PPP6R2: variants seen among roughly 807,000 people sequenced by gnomAD.
PPP6R2 encodes serine/threonine-protein phosphatase 6 regulatory subunit 2.
Under a neutral mutation model 100.2 loss-of-function variants are expected in PPP6R2, and 62 were observed. That is an observed-to-expected ratio of 0.62 (90% CI 0.50 to 0.76). The LOEUF is 0.76. PPP6R2 is among the 30% of genes least tolerant of loss of function. The pLI is 0.00. For missense variants in PPP6R2, 1,142 were observed against 1,276.3 expected (o/e 0.89, Z 1.60); for synonymous variants, 525 against 514.7 (o/e 1.02, Z -0.27).
upstream of PPP6R2, among the ~76,000 whole-genome samples, chr22:50,342,032 C>T (rs557078719): frequency 1.3e-5 from 2 of 151,780 alleles, no homozygotes; most frequent in Admixed American, 1.3e-4. Context: ...CTGCTCACCC[C>T]AGTTGCACTG....
intron 1 of PPP6R2, among the ~76,000 whole-genome samples, chr22:50,371,573 CAA>C (rs1291954359): frequency 6.6e-6 from 1 of 151,954 alleles, no homozygotes; most frequent in Non-Finnish European, 1.5e-5. Flanking sequence ...ATTATGAAAT[CAA>C]AGACAAATTT....
At chr22:50,386,262 C>T (rs532266369) in intron 2 of PPP6R2, among the ~76,000 whole-genome samples, 2 of 152,124 alleles carry the variant, frequency 1.3e-5, no homozygotes, top group Middle Eastern at 3.4e-3. Context: ...CCTGCCTCAG[C>T]CTCCAAGTAG....
chr22:50,444,506 A>C lies in PPP6R2; in HGVS notation c.*259A>C. 4.9e-6 allele frequency: 1 copy of C among 203,528 alleles called. No homozygotes were observed. Among genetic ancestry groups the C allele is most frequent in the East Asian group, 2.0e-4 (1 of 4,900 alleles). 12.6% of individuals were successfully genotyped at this position (203,528 alleles called of 1,614,324 possible). ...CCCCCAAGCCCAGAGCACAGCAATA[A>C]GGTCGGCCTGCAGGAGCCGGGGTGG... On this transcript the variant is annotated 3_prime_UTR_variant, in exon 24 of 24. Transcript: ENST00000612753.
intron 2 of PPP6R2, chr22:50,393,675 G>T: frequency 1.0e-6 from 1 of 971,500 alleles, no homozygotes; most frequent in South Asian, 4.8e-5. Flanking sequence ...AACCTGGAGA[G>T]GTCTGATGGG....
intron 3 of PPP6R2, among the ~76,000 whole-genome samples, chr22:50,398,118 C>CG (rs1569407153): frequency 6.6e-6 from 1 of 151,492 alleles, no homozygotes; most frequent in African/African-American, 2.4e-5. Flanking sequence ...GGATCACTTA[C>CG]GCCCAGGAGT....
intron 2 of PPP6R2, among the ~76,000 whole-genome samples, chr22:50,390,442 G>A (rs560360320): frequency 6.6e-6 from 1 of 152,266 alleles, no homozygotes; most frequent in South Asian, 2.1e-4. Context: ...TTCAAAACAA[G>A]GTATGTTGCC....
At chr22:50,438,339 G>T in intron 18 of PPP6R2, 41 bp downstream of exon 18, 1 of 1,589,342 alleles carries the variant, frequency 6.3e-7, no homozygotes, top group Non-Finnish European at 8.6e-7. Context: ...CTGCCGAGGA[G>T]GTTCAGCCCC....
chr22:50,431,226 A>G lies in PPP6R2; in HGVS notation c.1179A>G (p.Leu393=), dbSNP rs766411206. 8 of 1,613,818 alleles carry G rather than the reference A, an allele frequency of 5.0e-6. No homozygotes were observed. The African/African-American group carries it at 6.7e-5, about 13-fold the overall frequency. ...ACTTTTTGCACTTCCAAGTGGAACT[A>G]TGCATAGCCGCTATTCTCTCCCACG... The part of the protein sequence containing the change: ...WNNFLHFQVE[L]CIAAILSHAA... Residue 393 remains leucine, a synonymous_variant, in exon 11 of 24, where the codon CTA becomes CTG. Coordinates refer to ENST00000612753, the MANE Select transcript of PPP6R2 (RefSeq NM_001242898.2). The surrounding 1 kb of genome is among the most constrained non-coding windows in gnomAD (Gnocchi z 4.8).
At chr22:50,391,256 AC>A (rs1445196710) in intron 2 of PPP6R2, among the ~76,000 whole-genome samples, 1 of 151,274 alleles carries the variant, frequency 6.6e-6, no homozygotes, top group Non-Finnish European at 1.5e-5. Flanking sequence ...GTATGGTGAA[AC>A]CCCATCTCTA....
At chr22:50,334,359 A>G in the PPP6R2 span, among the ~76,000 whole-genome samples, 1 of 152,294 alleles carries the variant, frequency 6.6e-6, no homozygotes, top group South Asian at 2.1e-4. Flanking sequence ...GTCACTTCTC[A>G]CCGTGTCCCT....
rs777236010 is a variant in PPP6R2 at position 50,438,223 on chromosome 22, TTGA to T, written c.1899_1901del (p.Asp633del). 102 of 1,613,738 alleles carry T rather than the reference TTGA, an allele frequency of 6.3e-5. No individual in the cohort carries two copies. The highest frequency in any genetic ancestry group is 2.2e-4 in the South Asian group (20 of 91,086). ...TGCTGCAGTGACCGCATCCAGCCCT[TTGA>T]TGATGATGAGGACGAGGACATCTGG... On this transcript the variant is annotated inframe_deletion, in exon 18 of 24. Coordinates refer to ENST00000612753, the MANE Select transcript of PPP6R2 (RefSeq NM_001242898.2).
chr22:50,401,810 T>C (rs2058090914), intron 3 of PPP6R2, among the ~76,000 whole-genome samples: 2 of 151,698 alleles, frequency 1.3e-5, no homozygotes, highest in Middle Eastern at 3.4e-3. Context: ...TTTTTTTGTA[T>C]TTTTTAGTAG....
Position 50,361,662 on chromosome 22 carries a change from C to T in PPP6R2, c.-147-10358C>T, listed in dbSNP as rs375658353. The stretch of plus-strand genomic sequence containing the variant: ...TTCAACAGTCTCAGCCCAGAGTATG[C>T]CCTGCTTGTCTTCCTTTGACCCAGG... On this transcript the variant is annotated intron_variant, in intron 1 of 23. Transcript: ENST00000612753. 7.2e-5 allele frequency among the ~76,000 whole-genome samples: 11 copies of T among 152,152 alleles called. No individual in the cohort carries two copies. In the South Asian group the frequency reaches 2.1e-3, roughly 29 times the overall value.
chr22:50,413,090 T>C (rs2060003186), intron 4 of PPP6R2, among the ~76,000 whole-genome samples: 1 of 151,822 alleles, frequency 6.6e-6, no homozygotes, highest in African/African-American at 2.4e-5. Context: ...CCCGAGTAGC[T>C]GGGATTACAG....
intron 1 of PPP6R2, among the ~76,000 whole-genome samples, chr22:50,368,196 G>A (rs2049164343): frequency 6.6e-6 from 1 of 152,254 alleles, no homozygotes; most frequent in Non-Finnish European, 1.5e-5. Flanking sequence ...GCATCACAGA[G>A]ACGTTTACGC....
intron 3 of PPP6R2, among the ~76,000 whole-genome samples, chr22:50,405,878 G>A (rs2058825128): frequency 7.3e-6 from 1 of 137,192 alleles, no homozygotes; most frequent in Non-Finnish European, 1.6e-5. Flanking sequence ...GAGGTGAGAG[G>A]CCTGGAGAGA....
intron 3 of PPP6R2, among the ~76,000 whole-genome samples, chr22:50,405,969 CGAGAGGCCTGGAGAGAAGT>C: frequency 1.6e-5 from 1 of 63,144 alleles, no homozygotes; most frequent in Non-Finnish European, 3.0e-5. Context: ...TGGAGAGAGG[CGAGAGGCCTGGAGAGAAGT>C]GAGAGACCTG....
chr22:50,341,913 A>T (rs929227490), upstream of PPP6R2, among the ~76,000 whole-genome samples: 13 of 152,026 alleles, frequency 8.6e-5, no homozygotes, highest in African/African-American at 3.1e-4. Context: ...GAATGGCGTG[A>T]ACCCAGGAGG....
At chr22:50,439,479 C>G (rs948817306) in intron 19 of PPP6R2, among the ~76,000 whole-genome samples, 4 of 152,160 alleles carry the variant, frequency 2.6e-5, no homozygotes, top group Non-Finnish European at 5.9e-5. Context: ...TGACTGAGCC[C>G]CAGGTCACAC....
Sources: gnomAD v4.1 joint callset for allele counts (sites outside exome capture counted in the v4.1 genomes callset) on GRCh38, gnomAD v4.1.1 for gene constraint, Gnocchi (gnomAD v3.1) non-coding constraint, MANE v1.5 for transcripts, NCBI Gene and HGNC (gene_info 2026-07-23, HGNC 2026-07-21) for gene names.